The following NIPA2 variants were observed in gnomAD, a reference collection of about 807,000 sequenced individuals.
The protein encoded by NIPA2 is magnesium transporter NIPA2.
In NIPA2, 11 loss-of-function variants were observed where a neutral mutation model predicts 29.7. The observed-to-expected ratio is 0.37, with a 90% CI of 0.23 to 0.61. The LOEUF (loss-of-function observed/expected upper bound fraction) is 0.61, where lower values mean the gene tolerates loss of function less well. Among genes scored for constraint, NIPA2 ranks in the 20% least tolerant of loss-of-function variants. The pLI is 0.66. For missense variants in NIPA2, 426 were observed against 437.9 expected, an observed-to-expected ratio of 0.97 and a Z score of 0.24; for synonymous variants, 183 against 161.9, an observed-to-expected ratio of 1.13 and a Z score of -0.99.
At chr15:22,840,412 C>G (rs995141806) in intron 2 of NIPA2, among the ~76,000 whole-genome samples, 6 of 151,798 alleles carry the variant, frequency 4.0e-5, no homozygotes, top group African/African-American at 1.5e-4. Context: ...GTTCTCCTGC[C>G]TCAGCCTCCG....
chr15:22,858,868 C>A (rs1032879428), intron 6 of NIPA2, among the ~76,000 whole-genome samples: 1 of 152,082 alleles, frequency 6.6e-6, no homozygotes, highest in Non-Finnish European at 1.5e-5. Context: ...AGTTCTACTT[C>A]GATTTCAGTT....
chr15:22,857,561 G>A lies in NIPA2; in HGVS notation c.197-979G>A, dbSNP rs774143034. Among the ~76,000 whole-genome samples the A allele has an allele frequency of 2.3e-4, 35 of 151,894 alleles. 1 individual carries two copies. Among genetic ancestry groups the A allele is most frequent in the Middle Eastern group, 3.4e-3 (1 of 290 alleles). On this transcript the variant is annotated intron_variant, in intron 5 of 7. Coordinates refer to ENST00000337451, the MANE Select transcript of NIPA2 (RefSeq NM_030922.7). Reference sequence around the variant, plus strand: ...TGCATTTTTAAAAAGAGCAAGCTGGGCACGGTGGCTCACGCCTATAATCCC... The same window carrying A: ...TGCATTTTTAAAAAGAGCAAGCTGGACACGGTGGCTCACGCCTATAATCCC...
intron 3 of NIPA2, among the ~76,000 whole-genome samples, chr15:22,849,491 A>C (rs1365592717): frequency 6.6e-6 from 1 of 152,008 alleles, no homozygotes; most frequent in Admixed American, 6.6e-5. Flanking sequence ...AGTCTCATCC[A>C]TGAGATTATG....
intron 7 of NIPA2, among the ~76,000 whole-genome samples, chr15:22,863,616 A>C (rs1424356420): frequency 6.6e-6 from 1 of 152,226 alleles, no homozygotes; most frequent in East Asian, 1.9e-4. Flanking sequence ...GGAAATGCAC[A>C]CAGAAATTTG....
chr15:22,853,740 G>A (rs1235576471), intron 5 of NIPA2, among the ~76,000 whole-genome samples: 2 of 152,000 alleles, frequency 1.3e-5, no homozygotes, highest in African/African-American at 2.4e-5. Flanking sequence ...CTTTAATAAA[G>A]GCATGCAATT....
chr15:22,842,184 G>A (rs1048081982), intron 2 of NIPA2, among the ~76,000 whole-genome samples: 4 of 152,140 alleles, frequency 2.6e-5, no homozygotes, highest in African/African-American at 4.8e-5. Context: ...TACATGCTCA[G>A]TAAACGTTGG....
chr15:22,842,045 T>G (rs2140982696), intron 2 of NIPA2, among the ~76,000 whole-genome samples: 1 of 152,294 alleles, frequency 6.6e-6, no homozygotes, highest in South Asian at 2.1e-4. Context: ...GCCCTTCACA[T>G]GTTTTATTTT....
intron 3 of NIPA2, among the ~76,000 whole-genome samples, chr15:22,849,691 C>T (rs1047831428): frequency 6.6e-6 from 1 of 152,004 alleles, no homozygotes; most frequent in Admixed American, 6.6e-5. Context: ...TCCCAAGTAG[C>T]TGGAACTACA....
At chr15:22,866,112 A>C (rs372661694) in intron 7 of NIPA2, 101 bp from the exon 8 acceptor site, 4 of 960,858 alleles carry the variant, frequency 4.2e-6, no homozygotes, top group Non-Finnish European at 6.2e-6. Flanking sequence ...TTTCCAGGCC[A>C]TACCTTTTCT....
intron 2 of NIPA2, among the ~76,000 whole-genome samples, chr15:22,843,709 G>C (rs1228619892): frequency 6.6e-6 from 1 of 151,304 alleles, no homozygotes; most frequent in Non-Finnish European, 1.5e-5. Flanking sequence ...GGAGTGCAGT[G>C]GTGCAATCTT....
At position 22,838,918 on chromosome 15, in the gene NIPA2, T is replaced by A. The variant is rs1318607737; in HGVS notation, c.-355T>A. ...GAAGCCGCGCGGCCGGCCGGCCGAC[T>A]AGGGTGAGGTCGCCACTCCTTCCTT... On this transcript the variant is annotated 5_prime_UTR_variant, in exon 1 of 8. Coordinates refer to ENST00000337451, the MANE Select transcript of NIPA2 (RefSeq NM_030922.7). 6.6e-6 allele frequency: 1 copy of A among 152,204 alleles called. No homozygotes were observed. Among genetic ancestry groups the A allele is most frequent in the Non-Finnish European group, 1.5e-5 (1 of 68,030 alleles). 9.4% of individuals were successfully genotyped at this position (152,204 alleles called of 1,614,324 possible).
Position 22,866,389 on chromosome 15 carries a change from G to C in NIPA2, c.625G>C (p.Gly209Arg), listed in dbSNP as rs140978872. ...LGIAIKELFA[G>R]KPVLRHPLAW... ...CATTGCTATCAAGGAGCTGTTTGCA[G>C]GGAAGCCTGTGCTGCGGCATCCCCT... Residue 209 changes from glycine (G) to arginine (R), a missense_variant, in exon 8 of 8, where the codon GGG (glycine) becomes CGG (arginine). By Grantham distance (125) the Gly-to-Arg change is moderately radical. Around this residue, in one of 3 missense-constraint regions of NIPA2, gnomAD observed 357 missense variants for 339.8 expected, o/e 1.05. Transcript: ENST00000337451. 13 of 1,614,006 alleles carry C rather than the reference G, an allele frequency of 8.1e-6. No individual in the cohort carries two copies. The African/African-American group carries it at 1.7e-4, about 22-fold the overall frequency.
rs188389578 is a variant in NIPA2 at position 22,843,535 on chromosome 15, T to A, written c.-215-1611T>A. On this transcript the variant is annotated intron_variant, in intron 2 of 7. Coordinates refer to ENST00000337451, the MANE Select transcript of NIPA2 (RefSeq NM_030922.7). ...AAAAAAAAAAATCTCTGGACCTGGTTCCTCATTGTGGGCCCTTACCACATA... is the reference window on the plus strand; with the variant it reads ...AAAAAAAAAAATCTCTGGACCTGGTACCTCATTGTGGGCCCTTACCACATA... Among the ~76,000 whole-genome samples the A allele has an allele frequency of 5.9e-5, 9 of 151,854 alleles. No homozygotes were observed. In the East Asian group the frequency reaches 1.6e-3, roughly 26 times the overall value.
At chr15:22,855,747 T>C (rs550242957) in intron 5 of NIPA2, among the ~76,000 whole-genome samples, 15 of 152,148 alleles carry the variant, frequency 9.9e-5, no homozygotes, top group Non-Finnish European at 2.1e-4. Flanking sequence ...CTGAAAGGTA[T>C]TTGGGTAGAA....
rs1029377378 is a variant in NIPA2 at position 22,865,410 on chromosome 15, C to T, written c.449-803C>T. On this transcript the variant is annotated intron_variant, in intron 7 of 7. Transcript: ENST00000337451. ...CTGAGGCAGGAGAATGGCGTGAACCCGGGAGGCGGAGCTTGCAGTGAGCCG... is the reference window on the plus strand; with the variant it reads ...CTGAGGCAGGAGAATGGCGTGAACCTGGGAGGCGGAGCTTGCAGTGAGCCG... Among the ~76,000 whole-genome samples the T allele has an allele frequency of 2.6e-5, 4 of 151,768 alleles. No homozygotes were observed. The East Asian group carries it at 5.9e-4, about 22-fold the overall frequency.
chr15:22,853,089 C>G (rs2057895516), intron 4 of NIPA2, 123 bp from the exon 5 acceptor site: 2 of 633,266 alleles, frequency 3.2e-6, no homozygotes, highest in Non-Finnish European at 5.5e-6. Context: ...AATCCCGAGT[C>G]ATGCAGAAAC....
At chr15:22,846,361 T>G (rs1373327674) in intron 3 of NIPA2, among the ~76,000 whole-genome samples, 1 of 151,092 alleles carries the variant, frequency 6.6e-6, no homozygotes, top group Non-Finnish European at 1.5e-5. Flanking sequence ...AAGCTCCTGG[T>G]TTTTACCAGA....
intron 5 of NIPA2, among the ~76,000 whole-genome samples, chr15:22,857,581 A>G (rs1239778831): frequency 6.6e-6 from 1 of 151,934 alleles, no homozygotes; most frequent in Non-Finnish European, 1.5e-5. Context: ...TCACGCCTAT[A>G]ATCCCAGCAC....
chr15:22,851,597 T>A (rs928395161), intron 3 of NIPA2, 42 bp from the exon 4 acceptor site: 1 of 643,036 alleles, frequency 1.6e-6, no homozygotes, highest in Non-Finnish European at 2.5e-6. Context: ...TGAGCTGTCA[T>A]GAGCATTCTG....
Sources: allele counts gnomAD v4.1 joint callset (sites outside exome capture counted in the v4.1 genomes callset), GRCh38; gene constraint gnomAD v4.1.1; regional missense constraint gnomAD v4.1.1; transcripts MANE v1.5; gene names NCBI Gene and HGNC (gene_info 2026-07-23, HGNC 2026-07-21).